Variants in TMTC2 observed in about 807,000 individuals in gnomAD.
The protein encoded by TMTC2 is transmembrane O-mannosyltransferase targeting cadherins 2.
Under a neutral mutation model 82.4 loss-of-function variants are expected in TMTC2, and 43 were observed. The ratio of observed to expected loss-of-function variants is 0.52; its 90% CI spans 0.41 to 0.67. The LOEUF (loss-of-function observed/expected upper bound fraction) is 0.67, where lower values mean the gene tolerates loss of function less well. TMTC2 is among the 30% of genes least tolerant of loss of function. TMTC2 has a pLI of 0.00. For synonymous variants in TMTC2, 408 were observed against 381.9 expected (o/e 1.07, Z -0.80); for missense variants, 919 against 1,012.4 (o/e 0.91, Z 1.25).
chr12:82,935,194 G>A (rs1876251875), intron 4 of TMTC2, among the ~76,000 whole-genome samples: 1 of 151,950 alleles, frequency 6.6e-6, no homozygotes, highest in East Asian at 1.9e-4. Context: ...GCTACCTAAG[G>A]CATTTTTAAT....
Position 82,895,968 on chromosome 12 carries a change from C to T in TMTC2, c.805C>T (p.Arg269Cys), listed in dbSNP as rs189832945. ...TGCTGATTCGGACAGCCTCCTCACCCGCACTCTCACCTTCTTCTACTTGCC... is the reference window on the plus strand; with the variant it reads ...TGCTGATTCGGACAGCCTCCTCACCTGCACTCTCACCTTCTTCTACTTGCC... ...PAADSDSLLT[R>C]TLTFFYLPTK... The change falls in exon 3 of 12, where the codon CGC becomes TGC. Residue 269 changes from arginine to cysteine, a missense_variant. Physicochemically the swap from Arg to Cys is radical, Grantham distance 180. Transcript: ENST00000321196. 1.1e-4 allele frequency: 184 copies of T among 1,613,870 alleles called. No homozygotes were observed. In the East Asian group the frequency reaches 2.5e-3, roughly 22 times the overall value.
chr12:82,988,679 G>A (rs1376757157), intron 8 of TMTC2, among the ~76,000 whole-genome samples: 1 of 151,510 alleles, frequency 6.6e-6, no homozygotes, highest in Non-Finnish European at 1.5e-5. Flanking sequence ...GCAACACAGA[G>A]TTTACCCCCT....
At chr12:83,084,159 G>T (rs75640431) in intron 11 of TMTC2, among the ~76,000 whole-genome samples, 2,296 of 152,214 alleles carry the variant, frequency 0.015, 47 homozygotes, top group African/African-American at 0.053. Context: ...CCTGTTAAGT[G>T]TTTATAAATT....
chr12:82,874,763 G>A (rs1290709000), intron 2 of TMTC2, among the ~76,000 whole-genome samples: 1 of 151,724 alleles, frequency 6.6e-6, no homozygotes, highest in Non-Finnish European at 1.5e-5. Flanking sequence ...AACAAATATG[G>A]AATAAAATAG....
intron 1 of TMTC2, among the ~76,000 whole-genome samples, chr12:82,767,764 T>C (rs2136990565): frequency 6.6e-6 from 1 of 152,334 alleles, no homozygotes; most frequent in East Asian, 1.9e-4. Context: ...ATTGGTTCTA[T>C]TGTTTATTTC....
In TMTC2 at chr12:82,771,928, A is replaced by G. The variant is rs774491106; in HGVS notation, c.83+84259A>G. On this transcript the variant is annotated intron_variant, in intron 1 of 11. Coordinates refer to ENST00000321196, the MANE Select transcript of TMTC2 (RefSeq NM_152588.3). Reference sequence around the variant, plus strand: ...ATGGGTTCTGTCTATACCATGCCATATTTGCACTAGAATATGGGCAAATCA... The same window carrying G: ...ATGGGTTCTGTCTATACCATGCCATGTTTGCACTAGAATATGGGCAAATCA... 1.8e-4 allele frequency among the ~76,000 whole-genome samples: 27 copies of G among 152,278 alleles called. 1 individual carries two copies. The highest frequency in any genetic ancestry group is 1.0e-3 in the South Asian group (5 of 4,820).
chr12:82,985,916 T>C lies in TMTC2; in HGVS notation c.1949-9T>C, dbSNP rs1170158847. 6.2e-7 allele frequency: 1 copy of C among 1,611,678 alleles called. No individual in the cohort carries two copies. The highest frequency in any genetic ancestry group is 8.5e-7 in the Non-Finnish European group (1 of 1,178,378). On this transcript the variant is annotated splice_polypyrimidine_tract_variant and intron_variant, in intron 7 of 11. Coordinates refer to ENST00000321196, the MANE Select transcript of TMTC2 (RefSeq NM_152588.3). ...TCCCTTTGACCTTCATGATTAATTC[T>C]CTTTCCAGGTGAAGCATATATGCGT... is the stretch of plus-strand genomic sequence containing the variant.
At chr12:82,954,308 C>G (rs921907120) in intron 4 of TMTC2, among the ~76,000 whole-genome samples, 4 of 152,070 alleles carry the variant, frequency 2.6e-5, no homozygotes, top group Admixed American at 6.6e-5. Context: ...TTCACCTCAC[C>G]TGTTCTCTTG....
chr12:82,799,537 A>G (rs1281649841), intron 1 of TMTC2, among the ~76,000 whole-genome samples: 7 of 152,060 alleles, frequency 4.6e-5, no homozygotes, highest in Admixed American at 4.6e-4. Context: ...TTCTTCTTCA[A>G]GTTCTGGAGG....
At chr12:82,775,082 C>T (rs1285332720) in intron 1 of TMTC2, among the ~76,000 whole-genome samples, 3 of 151,958 alleles carry the variant, frequency 2.0e-5, no homozygotes, top group Admixed American at 6.6e-5. Context: ...CTATTAGTAA[C>T]ACAATTTAAC....
intron 11 of TMTC2, among the ~76,000 whole-genome samples, chr12:83,078,155 G>A (rs547007483): frequency 3.3e-5 from 5 of 152,136 alleles, no homozygotes; most frequent in East Asian, 3.9e-4. Context: ...ATCAGATATC[G>A]AGGGTGGGGG....
At chr12:83,090,121 T>C (rs1407879682) in intron 11 of TMTC2, among the ~76,000 whole-genome samples, 1 of 152,182 alleles carries the variant, frequency 6.6e-6, no homozygotes, top group Non-Finnish European at 1.5e-5. Flanking sequence ...TTGTTAACTG[T>C]AGTTTGGATG....
intron 11 of TMTC2, among the ~76,000 whole-genome samples, chr12:83,074,611 G>A (rs1000131425): frequency 1.3e-5 from 2 of 151,978 alleles, no homozygotes; most frequent in African/African-American, 4.8e-5. Flanking sequence ...TGGTTGTCAG[G>A]GAATTGGAGG....
At chr12:83,051,950 T>C (rs1231595227) in intron 10 of TMTC2, among the ~76,000 whole-genome samples, 1 of 152,092 alleles carries the variant, frequency 6.6e-6, no homozygotes, top group African/African-American at 2.4e-5. Context: ...AATCAAATGA[T>C]TTATATCGTT....
chr12:82,735,064 T>A (rs1159362192), intron 1 of TMTC2, among the ~76,000 whole-genome samples: 1 of 152,174 alleles, frequency 6.6e-6, no homozygotes, highest in Non-Finnish European at 1.5e-5. Context: ...ACTTATTGAA[T>A]CCTAAACCAC....
chr12:82,997,157 CCTCT>C (rs750382234), intron 8 of TMTC2, among the ~76,000 whole-genome samples: 1 of 41,336 alleles, frequency 2.4e-5, no homozygotes, highest in African/African-American at 5.7e-5. Context: ...TTGATACTTC[CCTCT>C]CTCTCTCTCT....
intron 8 of TMTC2, among the ~76,000 whole-genome samples, chr12:83,019,831 T>C (rs1406379806): frequency 6.6e-6 from 1 of 152,096 alleles, no homozygotes; most frequent in Non-Finnish European, 1.5e-5. Flanking sequence ...CTCAGTACCC[T>C]CAGAGTGATA....
intron 4 of TMTC2, among the ~76,000 whole-genome samples, chr12:82,960,590 T>TA (rs1210119925): frequency 1.3e-5 from 2 of 151,922 alleles, no homozygotes; most frequent in East Asian, 3.9e-4. Flanking sequence ...TTCATGGCCA[T>TA]AAGATGGCAA....
chr12:82,919,603 A>G (rs1875259378), intron 3 of TMTC2, among the ~76,000 whole-genome samples: 1 of 152,230 alleles, frequency 6.6e-6, no homozygotes. Context: ...AGCCTGTAAC[A>G]TCAAAGCAAG....
Sources: allele counts gnomAD v4.1 joint callset (sites outside exome capture counted in the v4.1 genomes callset), GRCh38; gene constraint gnomAD v4.1.1; transcripts MANE v1.5; gene names NCBI Gene and HGNC (gene_info 2026-07-23, HGNC 2026-07-21).